The following THNSL1 variants were observed in gnomAD, a reference collection of about 807,000 sequenced individuals.
The protein encoded by THNSL1 is threonine synthase like 1, also known as threonine synthase-like 1.
In THNSL1, 48 loss-of-function variants were observed where a neutral mutation model predicts 50.4. The ratio of observed to expected loss-of-function variants is 0.95; its 90% confidence interval spans 0.76 to 1.21. THNSL1 has a LOEUF of 1.21. Among genes scored for constraint, THNSL1 ranks in the 50% most tolerant of loss-of-function variants. The pLI, the probability that THNSL1 is intolerant of heterozygous loss-of-function variation, is 0.00. For synonymous variants in THNSL1, 309 were observed against 306.1 expected (o/e 1.01, Z -0.10); for missense variants, 896 against 871.7 (o/e 1.03, Z -0.35).
the THNSL1 span, among the ~76,000 whole-genome samples, chr10:24,987,510 A>G: frequency 6.6e-6 from 1 of 152,150 alleles, no homozygotes; most frequent in Non-Finnish European, 1.5e-5. Context: ...TCAGCCAGGC[A>G]TGGTGGTATC....
At chr10:24,968,011 G>A in the THNSL1 span, among the ~76,000 whole-genome samples, 1 of 151,450 alleles carries the variant, frequency 6.6e-6, no homozygotes, top group African/African-American at 2.4e-5. Flanking sequence ...GTGTGTGTGT[G>A]TGTGTGTGTG....
At chr10:24,982,508 G>A in the THNSL1 span, 7 of 152,218 alleles carry the variant, frequency 4.6e-5, no homozygotes, top group African/African-American at 9.7e-5. Context: ...AATGAAGTTT[G>A]ACTTTTTAGT....
At chr10:24,954,041 T>G in the THNSL1 span, among the ~76,000 whole-genome samples, 1 of 152,198 alleles carries the variant, frequency 6.6e-6, no homozygotes, top group Non-Finnish European at 1.5e-5. Context: ...GAGGGCGTTG[T>G]TTTGAGCCAT....
the THNSL1 span, among the ~76,000 whole-genome samples, chr10:25,006,835 G>A: frequency 1.3e-3 from 196 of 152,262 alleles, no homozygotes; most frequent in African/African-American, 4.4e-3. Context: ...TTTGTGTCTC[G>A]ATCTCAGCCC....
the THNSL1 span, chr10:24,990,332 A>T: frequency 8.2e-7 from 1 of 1,218,848 alleles, no homozygotes; most frequent in Non-Finnish European, 1.1e-6. Context: ...TGTAGTTTTT[A>T]ACTGTAACCC....
chr10:24,961,075 G>T, the THNSL1 span, among the ~76,000 whole-genome samples: 1 of 152,174 alleles, frequency 6.6e-6, no homozygotes, highest in Non-Finnish European at 1.5e-5. Flanking sequence ...GTATGTACAA[G>T]TTGTTTTAAA....
the THNSL1 span, among the ~76,000 whole-genome samples, chr10:24,972,593 G>T: frequency 6.6e-6 from 1 of 152,102 alleles, no homozygotes; most frequent in African/African-American, 2.4e-5. Context: ...ACAGAAAGAT[G>T]CCAAAACTGA....
chr10:25,013,829 C>G (rs553158006), upstream of THNSL1, among the ~76,000 whole-genome samples: 3 of 152,202 alleles, frequency 2.0e-5, no homozygotes, highest in East Asian at 5.8e-4. Flanking sequence ...GTAATCCCAG[C>G]TACTCGGGAG....
the THNSL1 span, among the ~76,000 whole-genome samples, chr10:24,959,523 G>A: frequency 6.6e-6 from 1 of 152,190 alleles, no homozygotes; most frequent in Non-Finnish European, 1.5e-5. Context: ...GAAGAAAATG[G>A]CGTTTTGATT....
the THNSL1 span, among the ~76,000 whole-genome samples, chr10:24,988,988 A>C: frequency 6.6e-6 from 1 of 151,284 alleles, no homozygotes; most frequent in Admixed American, 6.6e-5. Flanking sequence ...ATTTGCTATC[A>C]TCACATCAAA....
At chr10:24,957,008 C>T in the THNSL1 span, among the ~76,000 whole-genome samples, 1 of 152,154 alleles carries the variant, frequency 6.6e-6, no homozygotes, top group Non-Finnish European at 1.5e-5. Flanking sequence ...AACCATCCCC[C>T]CTCAAAATCC....
upstream of THNSL1, chr10:25,016,193 G>A: frequency 8.5e-7 from 1 of 1,174,734 alleles, no homozygotes; most frequent in Non-Finnish European, 1.1e-6. Context: ...AGGCAACGAG[G>A]AAGTGGCAGG....
chr10:24,984,920 G>C, the THNSL1 span: 1 of 1,604,454 alleles, frequency 6.2e-7, no homozygotes, highest in African/African-American at 1.3e-5. Context: ...AAATGGTCAA[G>C]AAACTTGTAA....
chr10:25,021,205 G>A (rs1016771295), intron 1 of THNSL1, among the ~76,000 whole-genome samples: 3 of 152,238 alleles, frequency 2.0e-5, no homozygotes, highest in South Asian at 2.1e-4. Context: ...TAATCTTACT[G>A]TAAATATTTT....
chr10:24,953,920 G>A, the THNSL1 span, among the ~76,000 whole-genome samples: 1 of 152,204 alleles, frequency 6.6e-6, no homozygotes, highest in African/African-American at 2.4e-5. Flanking sequence ...GCCTTGGAGG[G>A]TGCAGCTCCA....
the THNSL1 span, among the ~76,000 whole-genome samples, chr10:24,999,961 T>A: frequency 5.3e-5 from 8 of 152,178 alleles, no homozygotes; most frequent in Non-Finnish European, 1.2e-4. Context: ...TCCATTTCAA[T>A]GATATCTGTG....
At chr10:24,959,872 A>G in the THNSL1 span, among the ~76,000 whole-genome samples, 7 of 152,338 alleles carry the variant, frequency 4.6e-5, no homozygotes, top group Non-Finnish European at 1.0e-4. Flanking sequence ...GTGCATAGAT[A>G]TTTTCTCTTC....
the THNSL1 span, chr10:24,995,603 T>G: frequency 6.7e-7 from 1 of 1,493,772 alleles, no homozygotes. Context: ...CATATTTAAA[T>G]TATTTGAATT....
At chr10:25,017,542 A>G (rs1189055104) in intron 1 of THNSL1, among the ~76,000 whole-genome samples, 1 of 152,134 alleles carries the variant, frequency 6.6e-6, no homozygotes, top group South Asian at 2.1e-4. Context: ...GTTCCTGTAT[A>G]AAAAGGCTTT....
Sources: gnomAD v4.1 joint callset for allele counts (sites outside exome capture counted in the v4.1 genomes callset) on GRCh38, gnomAD v4.1.1 for gene constraint, MANE v1.5 for transcripts, NCBI Gene and HGNC (gene_info 2026-07-23, HGNC 2026-07-21) for gene names.